C3orf52: variants seen among roughly 807,000 people sequenced by gnomAD.
C3orf52 encodes the protein TPA-induced transmembrane protein.
A neutral mutation model predicts 24.8 loss-of-function variants in C3orf52; 22 were observed. The observed-to-expected ratio is 0.89, with a 90% CI of 0.63 to 1.27. C3orf52 has a LOEUF of 1.27. C3orf52 is among the 50% of genes most tolerant of loss of function. The pLI, the probability that C3orf52 is intolerant of heterozygous loss-of-function variation, is 0.00. For missense variants in C3orf52, 265 were observed against 260.7 expected, an observed-to-expected ratio of 1.02 and a Z score of -0.11; for synonymous variants, 93 against 100.2, an observed-to-expected ratio of 0.93 and a Z score of 0.43.
intron 4 of C3orf52, among the ~76,000 whole-genome samples, chr3:112,126,744 T>C (rs1167245082): frequency 6.6e-6 from 1 of 152,200 alleles, no homozygotes; most frequent in Non-Finnish European, 1.5e-5. Context: ...TGCCCCCAGT[T>C]ACTGCCTTCA....
chr3:112,086,649 G>A (rs1369613111), intron 1 of C3orf52, 104 bp downstream of exon 1: 5 of 1,405,128 alleles, frequency 3.6e-6, no homozygotes, highest in Middle Eastern at 2.5e-4. Context: ...GCGGGGCGTC[G>A]ACGGCGCCGA....
At position 112,101,529 on chromosome 3, in the gene C3orf52, G is replaced by T. The variant is rs565669393; in HGVS notation, c.269-1309G>T. Among the ~76,000 whole-genome samples, 17 of 152,236 alleles carry T rather than the reference G, an allele frequency of 1.1e-4. No individual in the cohort carries two copies. The South Asian group carries it at 3.5e-3, about 32-fold the overall frequency. On this transcript the variant is annotated intron_variant, in intron 2 of 5. Transcript: ENST00000264848. The stretch of plus-strand genomic sequence containing the variant: ...TGTACAAACAGTTGAGGCACAGTGA[G>T]CCCCTCTCATCAGGGGAAAATCCAG...
At chr3:112,087,327 T>A (rs1251596486) in intron 1 of C3orf52, among the ~76,000 whole-genome samples, 2 of 152,224 alleles carry the variant, frequency 1.3e-5, no homozygotes, top group African/African-American at 4.8e-5. Context: ...CCAAGCTCTT[T>A]TCTGATTCAT....
rs1029574872 is a variant in C3orf52 at position 112,117,220 on chromosome 3, C to T, written c.*574C>T. On this transcript the variant is annotated 3_prime_UTR_variant, in exon 6 of 6. Transcript: ENST00000264848. ...CCCCACCATTCGATTTGATCTACCT[C>T]TAAGCCAGGCTGTGAAGAAAAGGAA... 2.5e-5 allele frequency: 13 copies of T among 511,862 alleles called. No individual in the cohort carries two copies. The highest frequency in any genetic ancestry group is 4.5e-5 in the Non-Finnish European group (13 of 289,404). The allele number at this position is 511,862 out of a possible 1,614,324, so 31.7% of individuals were successfully genotyped here.
chr3:112,119,154 A>G (rs948798528), downstream of C3orf52, among the ~76,000 whole-genome samples: 2 of 152,182 alleles, frequency 1.3e-5, no homozygotes, highest in African/African-American at 4.8e-5. Context: ...AGGCCGAGGC[A>G]GGCAGATCAC....
At chr3:112,123,733 T>C in intron 4 of C3orf52, 1 of 1,614,026 alleles carries the variant, frequency 6.2e-7, no homozygotes. Context: ...TTGATGAGGG[T>C]ATAGCACAGC....
chr3:112,125,656 G>A lies in C3orf52; in HGVS notation c.*47-2577G>A, dbSNP rs555968500. ...CAGAAACATTCTCTGTCCTCAAAAG[G>A]CTCACAAGCTAGCACAGGAGACAGA... On this transcript the variant is annotated intron_variant, in intron 4 of 4. Transcript: ENST00000480282. Among the ~76,000 whole-genome samples the A allele has an allele frequency of 3.9e-5, 6 of 152,284 alleles. No homozygotes were observed. The South Asian group carries it at 1.2e-3, about 32-fold the overall frequency.
chr3:112,108,891 A>C (rs541487221), intron 3 of C3orf52, among the ~76,000 whole-genome samples: 1 of 152,340 alleles, frequency 6.6e-6, no homozygotes, highest in South Asian at 2.1e-4. Context: ...AATAGTATGT[A>C]GGAGTCACTT....
intron 3 of C3orf52, among the ~76,000 whole-genome samples, chr3:112,105,627 T>C (rs2074016619): frequency 6.6e-6 from 1 of 151,390 alleles, no homozygotes; most frequent in African/African-American, 2.4e-5. Context: ...TCCAGTTCAA[T>C]TCTGACATGA....
At chr3:112,134,685 A>G (rs2074532213), downstream of C3orf52, 1 of 152,270 alleles carries the variant, frequency 6.6e-6, no homozygotes, top group South Asian at 2.1e-4. Flanking sequence ...ACAAATTTTT[A>G]TATGTGCTTT....
rs1293618409 is a variant in C3orf52 at position 112,117,047 on chromosome 3, A to G, written c.*401A>G. The G allele has an allele frequency of 4.4e-6, 4 of 901,306 alleles. No homozygotes were observed. The highest frequency in any genetic ancestry group is 3.4e-5 in the African/African-American group (2 of 59,666). 55.8% of individuals were successfully genotyped at this position (901,306 alleles called of 1,614,324 possible). ...GGCACTGCTATTCTTGAAGCACTCC[A>G]CCCACCTGGGCTACTTTTTCTTTAG... On this transcript the variant is annotated 3_prime_UTR_variant, in exon 6 of 6. Transcript: ENST00000264848.
intron 2 of C3orf52, among the ~76,000 whole-genome samples, chr3:112,098,995 T>G (rs951418504): frequency 6.6e-6 from 1 of 152,132 alleles, no homozygotes; most frequent in Non-Finnish European, 1.5e-5. Context: ...TGGGGGTAGA[T>G]TTCCCCTTTG....
downstream of C3orf52, among the ~76,000 whole-genome samples, chr3:112,131,247 G>A (rs1290448431): frequency 2.0e-5 from 3 of 152,108 alleles, no homozygotes; most frequent in Non-Finnish European, 4.4e-5. Context: ...AGCCACTAAG[G>A]GGGAAAAGCT....
rs1026506300 is a variant in C3orf52, at chr3:112,116,532, A to G, written c.650-110A>G. Reference sequence around the variant, plus strand: ...CTGTTAGGAATGTATAAACCTTGCAATTTTATCTAAGATTTTACACTAAAA... The same window carrying G: ...CTGTTAGGAATGTATAAACCTTGCAGTTTTATCTAAGATTTTACACTAAAA... On this transcript the variant is annotated intron_variant, in intron 5 of 5. Coordinates refer to ENST00000264848, the MANE Select transcript of C3orf52 (RefSeq NM_024616.3). 13 of 1,056,496 alleles carry G rather than the reference A, an allele frequency of 1.2e-5. No individual in the cohort carries two copies. In the African/African-American group the frequency reaches 1.8e-4, roughly 14 times the overall value. The allele number at this position is 1,056,496 out of a possible 1,614,324, so 65.4% of individuals were successfully genotyped here.
At chr3:112,107,687 A>T (rs1035495239) in intron 3 of C3orf52, among the ~76,000 whole-genome samples, 3 of 152,160 alleles carry the variant, frequency 2.0e-5, no homozygotes, top group Admixed American at 6.5e-5. Flanking sequence ...GGTTTTCTTC[A>T]TCTCATGGAA....
chr3:112,124,563 G>A (rs949660294), intron 4 of C3orf52, among the ~76,000 whole-genome samples: 6 of 152,112 alleles, frequency 3.9e-5, no homozygotes, highest in Non-Finnish European at 8.8e-5. Context: ...AGCTGAGATC[G>A]TGCCATTGCA....
At chr3:112,105,337 C>T (rs1272799483) in intron 3 of C3orf52, among the ~76,000 whole-genome samples, 2 of 152,184 alleles carry the variant, frequency 1.3e-5, no homozygotes, top group Non-Finnish European at 2.9e-5. Context: ...TCCTGCCCTT[C>T]ATTCGTCAAC....
chr3:112,133,006 A>C, downstream of C3orf52: 1 of 1,375,276 alleles, frequency 7.3e-7, no homozygotes, highest in Non-Finnish European at 1.0e-6. Flanking sequence ...TTAGTGTGCT[A>C]ACTGTATACT....
Position 112,093,847 on chromosome 3 carries a change from A to G in C3orf52, c.268+358A>G, listed in dbSNP as rs1045521778. ...GTTGATTTGAATTCTTTTTCTTTTC[A>G]TTTGTTTGCTAAAAATAATTATACT... is the stretch of plus-strand genomic sequence containing the variant. On this transcript the variant is annotated intron_variant, in intron 2 of 5. Coordinates refer to ENST00000264848, the MANE Select transcript of C3orf52 (RefSeq NM_024616.3). 3.3e-5 allele frequency among the ~76,000 whole-genome samples: 5 copies of G among 151,930 alleles called. No individual in the cohort carries two copies. In the East Asian group the frequency reaches 9.6e-4, roughly 29 times the overall value.
Sources: allele counts gnomAD v4.1 joint callset (sites outside exome capture counted in the v4.1 genomes callset), GRCh38; gene constraint gnomAD v4.1.1; transcripts MANE v1.5; gene names NCBI Gene and HGNC (gene_info 2026-07-23, HGNC 2026-07-21).